TICRR: variants seen among roughly 807,000 people sequenced by gnomAD.
The protein encoded by TICRR is treslin.
Under a neutral mutation model 178.1 loss-of-function variants are expected in TICRR, and 132 were observed. The ratio of observed to expected loss-of-function variants is 0.74; its 90% CI spans 0.64 to 0.86. The LOEUF is 0.86. Ranked by LOEUF, TICRR falls within the 40% of genes least tolerant of loss-of-function variation. The pLI, the probability that TICRR is intolerant of heterozygous loss-of-function variation, is 0.00. For synonymous variants in TICRR, 991 were observed against 900.7 expected (o/e 1.10, Z -1.79); for missense variants, 2,587 against 2,334.3 (o/e 1.11, Z -2.23).
chr15:89,576,134 C>T lies in TICRR; in HGVS notation c.548C>T (p.Pro183Leu). 1 of 1,609,196 alleles carries T rather than the reference C, an allele frequency of 6.2e-7. No homozygotes were observed. Among genetic ancestry groups the T allele is most frequent in the Non-Finnish European group, 8.5e-7 (1 of 1,180,002 alleles). ...GCEAQAQRLP[P>L]TPKQVMEKLL... is the part of the protein sequence containing the mutation. Reference sequence around the variant, plus strand: ...GAGGCCCAGGCCCAGCGCCTGCCGCCCACCCCTAAGCAGGTGATGGAGAAG... The same window carrying T: ...GAGGCCCAGGCCCAGCGCCTGCCGCTCACCCCTAAGCAGGTGATGGAGAAG... The change falls in exon 1 of 22, where the codon CCC (proline) becomes CTC (leucine). Residue 183 changes from proline (P) to leucine (L), a missense_variant. Coordinates refer to ENST00000268138, the MANE Select transcript of TICRR (RefSeq NM_152259.4).
intron 8 of TICRR, 73 bp from the exon 9 acceptor site, chr15:89,600,511 TA>T (rs1347293272): frequency 9.5e-6 from 6 of 630,072 alleles, no homozygotes; most frequent in Non-Finnish European, 1.6e-5. Context: ...TATTTCCCTT[TA>T]GTCAACTGTG....
intron 4 of TICRR, among the ~76,000 whole-genome samples, chr15:89,591,155 C>T (rs1173749216): frequency 2.6e-5 from 4 of 152,272 alleles, no homozygotes; most frequent in East Asian, 1.9e-4. Context: ...GACGGAGTCT[C>T]GCTCTTGTCA....
rs867915562 is a variant in TICRR at position 89,625,072 on chromosome 15, C to T, written c.4762C>T (p.Pro1588Ser). The stretch of plus-strand genomic sequence containing the variant: ...CCCCAGCTCTTCATTAGAGGCTGAG[C>T]CCCTCAGCAAGGAGGAGAGCTCTCT... ...IDPSSSLEAE[P>S]LSKEESSLGE... The change falls in exon 20 of 22, where the codon CCC becomes TCC. Residue 1588 changes from proline (P) to serine (S), a missense_variant. Pro to Ser is a moderately conservative substitution (Grantham distance 74). Transcript: ENST00000268138. 6.2e-7 allele frequency: 1 copy of T among 1,613,920 alleles called. No individual in the cohort carries two copies. Among genetic ancestry groups the T allele is most frequent in the Non-Finnish European group, 8.5e-7 (1 of 1,179,972 alleles).
chr15:89,625,844 C>A, intron 20 of TICRR, 58 bp downstream of exon 20: 1 of 1,552,132 alleles, frequency 6.4e-7, no homozygotes, highest in Non-Finnish European at 8.7e-7. Flanking sequence ...GAGTGCTTGA[C>A]AAGGAGGCAC....
In TICRR at chr15:89,627,391, A is replaced by T; in HGVS notation, c.*305A>T. On this transcript the variant is annotated 3_prime_UTR_variant, in exon 22 of 22. Coordinates refer to ENST00000268138, the MANE Select transcript of TICRR (RefSeq NM_152259.4). ...GCCTCACCCCAACCATGACCTTGGC[A>T]AGTCAGGGGGCCACTCTGCCTCATT... 1 of 348,038 alleles carries T rather than the reference A, an allele frequency of 2.9e-6. No individual in the cohort carries two copies. The highest frequency in any genetic ancestry group is 5.2e-6 in the Non-Finnish European group (1 of 191,074). 21.6% of individuals were successfully genotyped at this position (348,038 alleles called of 1,614,324 possible).
chr15:89,618,325 C>T, intron 17 of TICRR, 115 bp downstream of exon 17: 1 of 919,856 alleles, frequency 1.1e-6, no homozygotes, highest in Non-Finnish European at 1.8e-6. Context: ...TGTGATGGCT[C>T]TGAGTCCACA....
rs765872814 is a variant in TICRR, at chr15:89,623,671, C to A, written c.3361C>A (p.Pro1121Thr). ...ATCTCTGAGCTTTTCTAAAACTACA[C>A]CAAGAAGGATCTCTCATACACCACA... is the stretch of plus-strand genomic sequence containing the variant. ...QKSLSFSKTTPRRISHTPQTP... is the reference protein window; with the variant it reads ...QKSLSFSKTTTRRISHTPQTP... The change falls in exon 20 of 22, where the codon CCA (proline) becomes ACA (threonine). Residue 1121 changes from proline to threonine, a missense_variant. By Grantham distance (38) the Pro-to-Thr change is conservative. Coordinates refer to ENST00000268138, the MANE Select transcript of TICRR (RefSeq NM_152259.4). The A allele has an allele frequency of 2.5e-6, 4 of 1,612,408 alleles. No homozygotes were observed. The highest frequency in any genetic ancestry group is 3.4e-6 in the Non-Finnish European group (4 of 1,179,532).
chr15:89,623,060 G>C (rs1347525988), intron 19 of TICRR, among the ~76,000 whole-genome samples: 2 of 152,230 alleles, frequency 1.3e-5, no homozygotes, highest in African/African-American at 4.8e-5. Flanking sequence ...TTACCTGTTG[G>C]AGCTTTTCAC....
rs777600069 is a variant in TICRR, at chr15:89,623,843, G to A, written c.3533G>A (p.Arg1178Gln). The part of the protein sequence containing the change: ...PLDSKITPQK[R>Q]HTQAGEGTSL... ...GATTCAAAAATCACTCCTCAAAAAC[G>A]ACATACCCAGGCAGGAGAAGGTACC... The change falls in exon 20 of 22, where the codon CGA becomes CAA. Residue 1178 changes from arginine to glutamine, a missense_variant. Transcript: ENST00000268138. The A allele has an allele frequency of 6.2e-6, 10 of 1,613,660 alleles. No individual in the cohort carries two copies. The highest frequency in any genetic ancestry group is 1.6e-4 in the Middle Eastern group (1 of 6,084).
At chr15:89,598,002 G>C (rs887222555) in intron 7 of TICRR, among the ~76,000 whole-genome samples, 5 of 152,146 alleles carry the variant, frequency 3.3e-5, no homozygotes, top group Non-Finnish European at 5.9e-5. Context: ...TAATTTAAAT[G>C]GTAATGTGTT....
In TICRR at chr15:89,600,607, A is replaced by C; in HGVS notation, c.2075A>C (p.Lys692Thr). Residue 692 changes from lysine (K) to threonine (T), a missense_variant, in exon 9 of 22, where the codon AAA (lysine) becomes ACA (threonine). Coordinates refer to ENST00000268138, the MANE Select transcript of TICRR (RefSeq NM_152259.4). ...ELEVNCLNQV[K>T]SSLLKTSKSL... ...TAGGTGAACTGCCTGAATCAAGTAA[A>C]AAGTAGTCTCTTAAAAACTAGTAAA... 2 of 1,587,678 alleles carry C rather than the reference A, an allele frequency of 1.3e-6. No individual in the cohort carries two copies. Among genetic ancestry groups the C allele is most frequent in the East Asian group, 2.2e-5 (1 of 44,570 alleles).
At position 89,604,493 on chromosome 15, in the gene TICRR, C is replaced by A. The variant is rs139712324; in HGVS notation, c.2664+1601C>A. ...TTCTTCTCTAAGATCAGAATTAACG[C>A]CTGGGCGCAGTGGTTCATGCCTATA... On this transcript the variant is annotated intron_variant, in intron 13 of 21. Coordinates refer to ENST00000268138, the MANE Select transcript of TICRR (RefSeq NM_152259.4). Among the ~76,000 whole-genome samples the A allele has an allele frequency of 4.7e-3, 709 of 152,294 alleles. 11 individuals carry two copies. Among genetic ancestry groups the A allele is most frequent in the African/African-American group, 0.016 (678 of 41,556 alleles).
intron 2 of TICRR, among the ~76,000 whole-genome samples, chr15:89,583,687 T>A (rs1225033491): frequency 6.6e-6 from 1 of 152,206 alleles, no homozygotes; most frequent in Non-Finnish European, 1.5e-5. Context: ...TTACTTCTTT[T>A]TTTTTTGAGA....
chr15:89,601,235 G>A lies in TICRR; in HGVS notation c.2154-63G>A, dbSNP rs114151439. On this transcript the variant is annotated intron_variant, in intron 9 of 21. Coordinates refer to ENST00000268138, the MANE Select transcript of TICRR (RefSeq NM_152259.4). Reference sequence around the variant, plus strand: ...CTTATATAAATAGATCTATGCTTACGGAAGGAGCTTTTTGTTTAGTGACAT... The same window carrying A: ...CTTATATAAATAGATCTATGCTTACAGAAGGAGCTTTTTGTTTAGTGACAT... 7.1e-4 allele frequency: 1,019 copies of A among 1,437,770 alleles called. 3 individuals carry two copies. The African/African-American group carries it at 0.013, about 18-fold the overall frequency. 89.1% of individuals were successfully genotyped at this position (1,437,770 alleles called of 1,614,324 possible). A position where few individuals can be genotyped will look rare whatever the true frequency, so the allele number is the denominator to read the frequency against.
intron 19 of TICRR, among the ~76,000 whole-genome samples, chr15:89,622,072 T>C (rs1963436186): frequency 7.1e-6 from 1 of 141,546 alleles, no homozygotes; most frequent in Non-Finnish European, 1.5e-5. Flanking sequence ...CTGCAACCTC[T>C]GCCTCCCAGT....
Position 89,576,124 on chromosome 15 carries a change from C to A in TICRR, c.538C>A (p.Arg180Ser), listed in dbSNP as rs1409260450. The part of the protein sequence containing the change: ...FVSGCEAQAQ[R>S]LPPTPKQVME... Reference sequence around the variant, plus strand: ...GTCTGGGTGCGAGGCCCAGGCCCAGCGCCTGCCGCCCACCCCTAAGCAGGT... The same window carrying A: ...GTCTGGGTGCGAGGCCCAGGCCCAGAGCCTGCCGCCCACCCCTAAGCAGGT... The change falls in exon 1 of 22, where the codon CGC becomes AGC. Residue 180 changes from arginine to serine, a missense_variant. Arg to Ser is a moderately radical substitution (Grantham distance 110). Transcript: ENST00000268138. The A allele has an allele frequency of 1.9e-6, 3 of 1,610,110 alleles. No individual in the cohort carries two copies. The highest frequency in any genetic ancestry group is 1.7e-6 in the Non-Finnish European group (2 of 1,179,994).
intron 7 of TICRR, among the ~76,000 whole-genome samples, chr15:89,597,024 A>C (rs1326210100): frequency 6.6e-6 from 1 of 152,136 alleles, no homozygotes; most frequent in Non-Finnish European, 1.5e-5. Context: ...TGATTCTTTA[A>C]TATTTGCTGA....
intron 1 of TICRR, 23 bp downstream of exon 1, chr15:89,576,263 C>T (rs1962613024): frequency 1.3e-6 from 2 of 1,521,080 alleles, no homozygotes; most frequent in Non-Finnish European, 1.8e-6. Flanking sequence ...ACTGTCGTCT[C>T]AGATGGCGTG....
At chr15:89,584,808 A>G (rs1012214582) in intron 3 of TICRR, among the ~76,000 whole-genome samples, 5 of 152,208 alleles carry the variant, frequency 3.3e-5, no homozygotes, top group African/African-American at 1.2e-4. Context: ...TAGTAATGTG[A>G]TGAGTGATTT....
Sources: gnomAD v4.1 joint callset for allele counts (sites outside exome capture counted in the v4.1 genomes callset) on GRCh38, gnomAD v4.1.1 for gene constraint, MANE v1.5 for transcripts, NCBI Gene and HGNC (gene_info 2026-07-23, HGNC 2026-07-21) for gene names.